The following CTNND2 variants were observed in gnomAD, a reference collection of about 807,000 sequenced individuals.
CTNND2 encodes the protein catenin delta 2, also known as catenin delta-2.
A neutral mutation model predicts 144.4 loss-of-function variants in CTNND2; 22 were observed. The observed-to-expected ratio is 0.15, with a 90% CI of 0.11 to 0.22. The LOEUF is 0.22. Ranked by LOEUF, CTNND2 falls within the 10% of genes least tolerant of loss-of-function variation. The pLI, the probability that CTNND2 is intolerant of heterozygous loss-of-function variation, is 1.00. For missense variants in CTNND2, 1,353 were observed against 1,618.8 expected, an observed-to-expected ratio of 0.84 and a Z score of 2.82; for synonymous variants, 751 against 695.6, an observed-to-expected ratio of 1.08 and a Z score of -1.25.
At chr5:11,476,881 T>C (rs1767796054) in intron 3 of CTNND2, among the ~76,000 whole-genome samples, 4 of 152,238 alleles carry the variant, frequency 2.6e-5, no homozygotes, top group Admixed American at 2.6e-4. Context: ...AATTTATTTG[T>C]AATATTGCAC....
chr5:11,264,867 G>A (rs1169934854), intron 9 of CTNND2, among the ~76,000 whole-genome samples: 3 of 152,092 alleles, frequency 2.0e-5, no homozygotes, highest in Non-Finnish European at 4.4e-5. Context: ...GGAGGCGGAG[G>A]TTGCAGTGAG....
intron 3 of CTNND2, among the ~76,000 whole-genome samples, chr5:11,429,751 AT>A (rs1380614749): frequency 6.6e-6 from 1 of 152,228 alleles, no homozygotes; most frequent in Non-Finnish European, 1.5e-5. Context: ...TTCCAAAAGC[AT>A]CAGAAAAACG....
At chr5:11,771,860 T>A (rs908295192) in intron 1 of CTNND2, among the ~76,000 whole-genome samples, 1 of 152,176 alleles carries the variant, frequency 6.6e-6, no homozygotes, top group Admixed American at 6.5e-5. Context: ...TAAAGACCTA[T>A]ACCACGTGAG....
intron 3 of CTNND2, among the ~76,000 whole-genome samples, chr5:11,486,224 TACTAGGTGATAATATCCAGTAGATCAC>T (rs1180175478): frequency 1.3e-5 from 2 of 151,994 alleles, no homozygotes; most frequent in Admixed American, 1.3e-4. Flanking sequence ...CAGTAGATCA[TACTAGGTGATAATATCCAGTAGATCAC>T]ACTAGGTGAT....
intron 2 of CTNND2, among the ~76,000 whole-genome samples, chr5:11,654,581 A>G (rs933070700): frequency 6.6e-6 from 1 of 151,426 alleles, no homozygotes; most frequent in Non-Finnish European, 1.5e-5. Flanking sequence ...TTGTATGCTG[A>G]TTTTGTAGCC....
At chr5:11,626,828 GCACA>G (rs1781179566) in intron 2 of CTNND2, among the ~76,000 whole-genome samples, 1 of 152,156 alleles carries the variant, frequency 6.6e-6, no homozygotes, top group Non-Finnish European at 1.5e-5. Context: ...AAGTGCATGA[GCACA>G]CACATTCACA....
At chr5:11,798,322 T>G (rs1214585974) in intron 1 of CTNND2, among the ~76,000 whole-genome samples, 2 of 152,004 alleles carry the variant, frequency 1.3e-5, no homozygotes, top group Non-Finnish European at 2.9e-5. Context: ...CTTCTTTAAA[T>G]TTTAAATATT....
At chr5:11,058,103 G>A (rs1389325913) in intron 16 of CTNND2, among the ~76,000 whole-genome samples, 1 of 152,204 alleles carries the variant, frequency 6.6e-6, no homozygotes, top group Non-Finnish European at 1.5e-5. Flanking sequence ...GTCTGACAAC[G>A]TGATAGAAAA....
chr5:11,578,846 A>G (rs762847658), intron 2 of CTNND2, among the ~76,000 whole-genome samples: 133 of 152,184 alleles, frequency 8.7e-4, no homozygotes, highest in Admixed American at 2.2e-3. Context: ...ATTCTTGATA[A>G]GGTATGTAAT....
intron 2 of CTNND2, among the ~76,000 whole-genome samples, chr5:11,724,827 C>T (rs149273029): frequency 6.6e-6 from 1 of 152,168 alleles, no homozygotes; most frequent in Non-Finnish European, 1.5e-5. Flanking sequence ...GAAAATGCAT[C>T]CCCAAATGAC....
chr5:11,561,148 G>A (rs1776654131), intron 3 of CTNND2, among the ~76,000 whole-genome samples: 2 of 152,226 alleles, frequency 1.3e-5, no homozygotes, highest in South Asian at 4.2e-4. Flanking sequence ...CAGAGGTTAG[G>A]GCTGGCTACT....
intron 16 of CTNND2, among the ~76,000 whole-genome samples, chr5:11,035,143 G>A (rs1482844757): frequency 6.6e-6 from 1 of 150,932 alleles, no homozygotes; most frequent in Non-Finnish European, 1.5e-5. Flanking sequence ...TAATGCTGCT[G>A]TAACAAATCA....
At chr5:11,677,867 G>A (rs533528715) in intron 2 of CTNND2, among the ~76,000 whole-genome samples, 1 of 152,152 alleles carries the variant, frequency 6.6e-6, no homozygotes, top group Non-Finnish European at 1.5e-5. Context: ...CAAAGGTGAT[G>A]TGAATCTGAT....
intron 12 of CTNND2, among the ~76,000 whole-genome samples, chr5:11,127,927 GAGGCCAGAGGGTGGACTGTGGT>G (rs72144644): frequency 0.16 from 23,622 of 151,944 alleles, 3,150 homozygotes; most frequent in East Asian, 0.45. Context: ...TGACTCTTTG[GAGGCCAGAGGGTGGACTGTGGT>G]AGGCCAGAGA....
In CTNND2 at chr5:11,411,643, T is replaced by C. The variant is rs1455467298; in HGVS notation, c.332A>G (p.Lys111Arg). 2 of 1,596,486 alleles carry C rather than the reference T, an allele frequency of 1.3e-6. No homozygotes were observed. The highest frequency in any genetic ancestry group is 1.7e-6 in the Non-Finnish European group (2 of 1,166,282). The change falls in exon 5 of 22, where the codon AAA becomes AGA. Residue 111 changes from lysine to arginine, a missense_variant. Lys to Arg is a conservative substitution (Grantham distance 26). Transcript: ENST00000304623. Reference protein sequence around the residue: ...QFQWQSQDGQKDIEDELTTGL... With the variant: ...QFQWQSQDGQRDIEDELTTGL... ...TGTTGTAAGCTCATCTTCGATATCT[T>C]TTTGACCATCTGAAATGAAATATTT...
chr5:11,644,200 T>C (rs553988801), intron 2 of CTNND2, among the ~76,000 whole-genome samples: 128 of 152,306 alleles, frequency 8.4e-4, no homozygotes, highest in Non-Finnish European at 1.4e-3. Flanking sequence ...AAAACCTAGA[T>C]AATAGTATTT....
At chr5:11,565,950 A>G (rs572617403) in intron 2 of CTNND2, among the ~76,000 whole-genome samples, 1 of 152,312 alleles carries the variant, frequency 6.6e-6, no homozygotes, top group Non-Finnish European at 1.5e-5. Flanking sequence ...AATTATCTAA[A>G]CAGTTATGTT....
chr5:11,093,203 G>A (rs1750958469), intron 15 of CTNND2, among the ~76,000 whole-genome samples: 1 of 152,190 alleles, frequency 6.6e-6, no homozygotes, highest in South Asian at 2.1e-4. Context: ...TAAAATGTTT[G>A]ACTTCATAGC....
At chr5:11,229,098 C>T (rs1740689090) in intron 10 of CTNND2, among the ~76,000 whole-genome samples, 4 of 152,130 alleles carry the variant, frequency 2.6e-5, no homozygotes, top group South Asian at 2.1e-4. Context: ...GTAATCAGGT[C>T]GAAACCTTAA....
Sources: allele counts gnomAD v4.1 joint callset (sites outside exome capture counted in the v4.1 genomes callset), GRCh38; gene constraint gnomAD v4.1.1; transcripts MANE v1.5; gene names NCBI Gene and HGNC (gene_info 2026-07-23, HGNC 2026-07-21).